Variants in RNASEH2A observed in about 807,000 individuals in gnomAD.
The protein encoded by RNASEH2A is RNase H(35).
Under a neutral mutation model 32.7 loss-of-function variants are expected in RNASEH2A, and 30 were observed. The ratio of observed to expected loss-of-function variants is 0.92; its 90% CI spans 0.69 to 1.25. The LOEUF (loss-of-function observed/expected upper bound fraction) is 1.25, where lower values mean the gene tolerates loss of function less well. Among genes scored for constraint, RNASEH2A ranks in the 50% most tolerant of loss-of-function variants. The pLI is 0.00. For missense variants in RNASEH2A, 409 were observed against 398.1 expected (o/e 1.03, Z -0.23); for synonymous variants, 147 against 165.4 (o/e 0.89, Z 0.86).
chr19:12,813,225 C>A lies in RNASEH2A; in HGVS notation c.761+19C>A. ...TTATATGGTGGGTGTCATGGATGTC[C>A]TGGGGGTGCTATAGGGAAGGAAGGA... On this transcript the variant is annotated intron_variant, in intron 7 of 7. Coordinates refer to ENST00000221486, the MANE Select transcript of RNASEH2A (RefSeq NM_006397.3). The A allele has an allele frequency of 6.2e-7, 1 of 1,613,900 alleles. No individual in the cohort carries two copies. The highest frequency in any genetic ancestry group is 1.6e-4 in the Middle Eastern group (1 of 6,062).
chr19:12,811,425 C>T (rs906575879), intron 6 of RNASEH2A, among the ~76,000 whole-genome samples: 3 of 151,622 alleles, frequency 2.0e-5, no homozygotes, highest in African/African-American at 7.3e-5. Flanking sequence ...GCCTGGGCAA[C>T]ATAGCGAGAC....
intron 6 of RNASEH2A, 85 bp downstream of exon 6, chr19:12,810,489 C>A (rs1358535846): frequency 1.7e-6 from 2 of 1,146,286 alleles, no homozygotes; most frequent in East Asian, 2.4e-5. Context: ...TCCTTTCTGT[C>A]ATTTATCATT....
rs757074402 is a variant in RNASEH2A, at chr19:12,807,092, T to C, written c.199+13T>C. 1 of 1,612,862 alleles carries C rather than the reference T, an allele frequency of 6.2e-7. No individual in the cohort carries two copies. The highest frequency in any genetic ancestry group is 1.3e-5 in the African/African-American group (1 of 74,824). On this transcript the variant is annotated intron_variant, in intron 2 of 7. Transcript: ENST00000221486. Reference sequence around the variant, plus strand: ...CTGAAAGTGGCAGGTGAGCCCGAGGTGTGCGTCTGGGGAAGGGATTCCTGG... The same window carrying C: ...CTGAAAGTGGCAGGTGAGCCCGAGGCGTGCGTCTGGGGAAGGGATTCCTGG...
At position 12,813,589 on chromosome 19, in the gene RNASEH2A, G is replaced by A. The variant is rs533069935; in HGVS notation, c.*123G>A. The A allele has an allele frequency of 2.6e-3, 3,239 of 1,224,830 alleles. 8 individuals are homozygous for A. Among genetic ancestry groups the A allele is most frequent in the Non-Finnish European group, 3.5e-3 (2,981 of 843,830 alleles). The allele number at this position is 1,224,830 out of a possible 1,614,324, so 75.9% of individuals were successfully genotyped here. On this transcript the variant is annotated 3_prime_UTR_variant, in exon 8 of 8. Transcript: ENST00000221486. ...AGGTGGGAGTGTGCTCTGCAGCCGGGTCCAGCTACTTCCTTTTGGAACCTT... is the reference window on the plus strand; with the variant it reads ...AGGTGGGAGTGTGCTCTGCAGCCGGATCCAGCTACTTCCTTTTGGAACCTT...
At position 12,807,632 on chromosome 19, in the gene RNASEH2A, C is replaced by A. The variant is rs148708824; in HGVS notation, c.411+126C>A. On this transcript the variant is annotated intron_variant, in intron 4 of 7. Coordinates refer to ENST00000221486, the MANE Select transcript of RNASEH2A (RefSeq NM_006397.3). ...TCCATCCTGGGTGACAAAGGAAGCCCCCCAACTCAAAAATGGAGGCAGGGC... is the reference window on the plus strand; with the variant it reads ...TCCATCCTGGGTGACAAAGGAAGCCACCCAACTCAAAAATGGAGGCAGGGC... The A allele has an allele frequency of 7.8e-4, 688 of 876,490 alleles. 9 individuals carry two copies. The East Asian group carries it at 0.015, about 20-fold the overall frequency. 54.3% of individuals were successfully genotyped at this position (876,490 alleles called of 1,614,324 possible).
chr19:12,808,207 G>A (rs546619482), intron 4 of RNASEH2A, among the ~76,000 whole-genome samples: 115 of 152,142 alleles, frequency 7.6e-4, no homozygotes, highest in African/African-American at 2.7e-3. Context: ...AGGTGAGATC[G>A]CGCCATTGCA....
chr19:12,809,510 T>A lies in RNASEH2A; in HGVS notation c.412-561T>A, dbSNP rs1165585648. Among the ~76,000 whole-genome samples, 18 of 152,000 alleles carry A rather than the reference T, an allele frequency of 1.2e-4. No homozygotes were observed. In the Admixed American group the frequency reaches 1.2e-3, roughly 10 times the overall value. On this transcript the variant is annotated intron_variant, in intron 4 of 7. Coordinates refer to ENST00000221486, the MANE Select transcript of RNASEH2A (RefSeq NM_006397.3). ...TATTCACCACTACACCTAGCTAACT[T>A]TTTATTTTTTGTAGAAACAGGGTCT...
At position 12,806,795 on chromosome 19, in the gene RNASEH2A, T is replaced by G. The variant is rs1349054266; in HGVS notation, c.122T>G (p.Val41Gly). ...LGVDEAGRGP[V>G]LGPMVYAICY... The stretch of plus-strand genomic sequence containing the variant: ...GTCGATGAGGCGGGCAGGGGCCCCG[T>G]GCTGGGTGCGCCCCTAGGGCCAGGG... Residue 41 changes from valine to glycine, a missense_variant, in exon 1 of 8, where the codon GTG becomes GGG. By Grantham distance (109) the Val-to-Gly change is moderately radical. Transcript: ENST00000221486. 1 of 1,578,350 alleles carries G rather than the reference T, an allele frequency of 6.3e-7. No individual in the cohort carries two copies.
In RNASEH2A at chr19:12,813,346, G is replaced by A. The variant is rs774054854; in HGVS notation, c.780G>A (p.Glu260=). 27 of 1,614,024 alleles carry A rather than the reference G, an allele frequency of 1.7e-5. No individual in the cohort carries two copies. The South Asian group carries it at 3.0e-4, about 18-fold the overall frequency. The change falls in exon 8 of 8, where the codon GAG becomes GAA. Residue 260 remains glutamate (E), a synonymous_variant. Transcript: ENST00000221486. The stretch of plus-strand genomic sequence containing the variant: ...CCCACAGGGAGGACTCAGCATCCGA[G>A]AATCAGGAGGGACTCAGGAAGATCA... ...EDVIWEDSAS[E]NQEGLRKITS... is the part of the protein sequence containing the mutation.
At position 12,810,127 on chromosome 19, in the gene RNASEH2A, T is replaced by G; in HGVS notation, c.468T>G (p.Ser156Arg). Residue 156 changes from serine to arginine, a missense_variant, in exon 5 of 8, where the codon AGT (serine) becomes AGG (arginine). Transcript: ENST00000221486. ...CATACCAGGCGCGGCTGCAGCAAAGTTTTCCCGGGATTGAGGTGACGGTCA... is the reference window on the plus strand; with the variant it reads ...CATACCAGGCGCGGCTGCAGCAAAGGTTTCCCGGGATTGAGGTGACGGTCA... ...PETYQARLQQ[S>R]FPGIEVTVKA... The G allele has an allele frequency of 6.2e-7, 1 of 1,614,124 alleles. No individual in the cohort carries two copies. The highest frequency in any genetic ancestry group is 1.3e-5 in the African/African-American group (1 of 75,020).
At position 12,813,515 on chromosome 19, in the gene RNASEH2A, T is replaced by C. The variant is rs1969107218; in HGVS notation, c.*49T>C. 4 of 1,606,924 alleles carry C rather than the reference T, an allele frequency of 2.5e-6. No homozygotes were observed. Among genetic ancestry groups the C allele is most frequent in the Non-Finnish European group, 3.4e-6 (4 of 1,179,728 alleles). ...TGCTTCCCCAACCCAGACATTAAAA[T>C]TGTTTAAGGAGAACCACACGTAGGG... On this transcript the variant is annotated 3_prime_UTR_variant, in exon 8 of 8. Transcript: ENST00000221486.
chr19:12,807,121 T>G, intron 2 of RNASEH2A, 42 bp downstream of exon 2: 3 of 1,614,082 alleles, frequency 1.9e-6, no homozygotes, highest in Non-Finnish European at 2.5e-6. Context: ...TTCCTGGGTA[T>G]GTGCAGGGGC....
At position 12,810,215 on chromosome 19, in the gene RNASEH2A, A is replaced by G. The variant is rs765467499; in HGVS notation, c.549+7A>G. The stretch of plus-strand genomic sequence containing the variant: ...TGCCAGCATCTGTGCCAAGGTCAGT[A>G]CCCTACTAGCCATGGCTGGCTTCCA... On this transcript the variant is annotated splice_region_variant and intron_variant, in intron 5 of 7. Coordinates refer to ENST00000221486, the MANE Select transcript of RNASEH2A (RefSeq NM_006397.3). The G allele has an allele frequency of 1.9e-6, 3 of 1,613,998 alleles. No homozygotes were observed. In the East Asian group the frequency reaches 6.7e-5, roughly 36 times the overall value.
chr19:12,806,610 A>G lies in RNASEH2A; in HGVS notation c.-64A>G. The stretch of plus-strand genomic sequence containing the variant: ...GGCGCCGCTTCGAGGCCCGCGGAAA[A>G]CGCGCGCCGAGACCCGCTCCTGCAG... On this transcript the variant is annotated 5_prime_UTR_variant, in exon 1 of 8. Coordinates refer to ENST00000221486, the MANE Select transcript of RNASEH2A (RefSeq NM_006397.3). The G allele has an allele frequency of 5.8e-6, 9 of 1,549,480 alleles. 1 individual carries two copies. In the South Asian group the frequency reaches 1.1e-4, roughly 18 times the overall value.
rs2145828996 is a variant in RNASEH2A, at chr19:12,811,721, C to T, written c.637+1317C>T. Among the ~76,000 whole-genome samples the T allele has an allele frequency of 2.0e-5, 3 of 151,722 alleles. No individual in the cohort carries two copies. In the Middle Eastern group the frequency reaches 0.01, roughly 520 times the overall value. ...TCCTTTGAGGTCAGGAGTTCTAGAC[C>T]AGCCTGACCAACGTGGTGAAACCCC... On this transcript the variant is annotated intron_variant, in intron 6 of 7. Transcript: ENST00000221486.
At chr19:12,811,883 C>T (rs1334218369) in intron 6 of RNASEH2A, among the ~76,000 whole-genome samples, 1 of 151,662 alleles carries the variant, frequency 6.6e-6, no homozygotes, top group Non-Finnish European at 1.5e-5. Context: ...CATAATTGCA[C>T]TCCAGCCTGG....
At chr19:12,813,255 G>A (rs369121730) in intron 7 of RNASEH2A, 49 bp downstream of exon 7, 652 of 1,612,424 alleles carry the variant, frequency 4.0e-4, no homozygotes, top group Non-Finnish European at 5.0e-4. Context: ...GAAGGAGGGA[G>A]GCCAGCGTTC....
chr19:12,807,858 G>A, intron 4 of RNASEH2A: 1 of 349,858 alleles, frequency 2.9e-6, no homozygotes, highest in Non-Finnish European at 5.6e-6. Flanking sequence ...CTTGAACCCA[G>A]GAGGCAGAAG....
chr19:12,806,966 T>C (rs1007117301), intron 1 of RNASEH2A, 42 bp from the exon 2 acceptor site: 2 of 1,610,762 alleles, frequency 1.2e-6, no homozygotes, highest in Non-Finnish European at 1.7e-6. Flanking sequence ...GGCTCAGTGA[T>C]TGGACCCCGG....
Sources: allele counts gnomAD v4.1 joint callset (sites outside exome capture counted in the v4.1 genomes callset), GRCh38; gene constraint gnomAD v4.1.1; transcripts MANE v1.5; gene names NCBI Gene and HGNC (gene_info 2026-07-23, HGNC 2026-07-21).